Variants in ZNF610 observed in about 807,000 individuals in gnomAD.
The protein encoded by ZNF610 is zink finger protein.
Under a neutral mutation model 14.1 loss-of-function variants are expected in ZNF610, and 14 were observed. The ratio of observed to expected loss-of-function variants is 0.99; its 90% CI spans 0.65 to 1.55. ZNF610 has a LOEUF of 1.55. ZNF610 is among the 40% of genes most tolerant of loss of function. ZNF610 has a pLI of 0.00. For missense variants in ZNF610, 530 were observed against 558.0 expected, an observed-to-expected ratio of 0.95 and a Z score of 0.51; for synonymous variants, 185 against 187.6, an observed-to-expected ratio of 0.99 and a Z score of 0.11.
intron 1 of ZNF610, among the ~76,000 whole-genome samples, chr19:52,340,961 G>A (rs1012129447): frequency 3.9e-5 from 6 of 151,998 alleles, no homozygotes; most frequent in African/African-American, 1.4e-4. Flanking sequence ...GATTACAGGC[G>A]GGAGCCACTG....
chr19:52,333,240 A>G (rs1248117934), upstream of ZNF610, among the ~76,000 whole-genome samples: 3 of 152,234 alleles, frequency 2.0e-5, no homozygotes, highest in Non-Finnish European at 4.4e-5. Flanking sequence ...AAAGATAAGA[A>G]AAAACGCATT....
At chr19:52,341,559 C>T (rs1248865766) in intron 1 of ZNF610, among the ~76,000 whole-genome samples, 4 of 152,074 alleles carry the variant, frequency 2.6e-5, no homozygotes, top group Admixed American at 1.3e-4. Context: ...CTGCCCGCCT[C>T]GGCCTCCCAA....
At chr19:52,346,195 T>G (rs1174498458) in intron 1 of ZNF610, among the ~76,000 whole-genome samples, 1 of 150,310 alleles carries the variant, frequency 6.7e-6, no homozygotes, top group East Asian at 1.9e-4. Context: ...TTGTTTTTGG[T>G]TTTTTTTGAG....
intron 1 of ZNF610, among the ~76,000 whole-genome samples, chr19:52,341,667 C>T (rs1984698689): frequency 6.6e-6 from 1 of 150,502 alleles, no homozygotes; most frequent in South Asian, 2.1e-4. Context: ...CACTCTATTG[C>T]ACAGGCTGGA....
Position 52,353,797 on chromosome 19 carries a change from T to C in ZNF610, c.179T>C (p.Leu60Pro). Reference protein sequence around the residue: ...RDVMLENYRNLVFLGICLPDL... With the variant: ...RDVMLENYRNPVFLGICLPDL... ...GTGATGTTGGAGAACTACAGGAACC[T>C]GGTCTTTCTGGGTGAGGATGACTTC... The change falls in exon 4 of 6, where the codon CTG becomes CCG. Residue 60 changes from leucine (L) to proline (P), a missense_variant. Coordinates refer to ENST00000403906, the MANE Select transcript of ZNF610 (RefSeq NM_001161425.2). 6.2e-7 allele frequency: 1 copy of C among 1,611,942 alleles called. No individual in the cohort carries two copies. The highest frequency in any genetic ancestry group is 8.5e-7 in the Non-Finnish European group (1 of 1,179,348).
chr19:52,361,912 T>C (rs1229376484), intron 5 of ZNF610, among the ~76,000 whole-genome samples: 1 of 152,186 alleles, frequency 6.6e-6, no homozygotes, highest in Non-Finnish European at 1.5e-5. Flanking sequence ...TTAGATTGTT[T>C]ACATGTAACT....
intron 5 of ZNF610, among the ~76,000 whole-genome samples, chr19:52,358,474 G>T (rs2560884): frequency 2.6e-5 from 4 of 152,280 alleles, no homozygotes; most frequent in Admixed American, 1.3e-4. Flanking sequence ...AAGCCACTGC[G>T]CCTGGCCTCC....
intron 1 of ZNF610, among the ~76,000 whole-genome samples, chr19:52,342,399 G>A (rs1600230118): frequency 6.6e-6 from 1 of 151,954 alleles, no homozygotes; most frequent in African/African-American, 2.4e-5. Flanking sequence ...AGGCTTAATA[G>A]TTTTTAAATT....
At chr19:52,330,329 C>G in the ZNF610 span, 1 of 152,116 alleles carries the variant, frequency 6.6e-6, no homozygotes. Flanking sequence ...AAAATACTCA[C>G]CAGACTCTTT....
chr19:52,356,166 A>C (rs2657934), intron 5 of ZNF610, among the ~76,000 whole-genome samples: 42,419 of 151,820 alleles, frequency 0.28, 7,717 homozygotes, highest in African/African-American at 0.52. Context: ...GTATGTATGT[A>C]TTCTTATTCC....
At chr19:52,331,682 C>T (rs111498252), upstream of ZNF610, among the ~76,000 whole-genome samples, 105 of 152,294 alleles carry the variant, frequency 6.9e-4, 1 homozygote, top group African/African-American at 2.2e-3. Context: ...AATCTAGCAC[C>T]TATTATTCAA....
intron 1 of ZNF610, among the ~76,000 whole-genome samples, chr19:52,345,712 A>ATT (rs56991468): frequency 1.3e-5 from 2 of 150,460 alleles, no homozygotes; most frequent in African/African-American, 4.9e-5. Context: ...TTTTATTTTT[A>ATT]TTTTTTTTTG....
upstream of ZNF610, among the ~76,000 whole-genome samples, chr19:52,332,166 A>G (rs113463120): frequency 6.6e-6 from 1 of 152,194 alleles, no homozygotes; most frequent in Non-Finnish European, 1.5e-5. The surrounding 1 kb of genome is among the most constrained non-coding windows in gnomAD (Gnocchi z 4.1). Context: ...AGTTTTCTGA[A>G]TCAGGGTAAC....
Position 52,354,396 on chromosome 19 carries a change from G to T in ZNF610, c.319+17G>T, listed in dbSNP as rs375235605. On this transcript the variant is annotated intron_variant, in intron 5 of 5. Transcript: ENST00000403906. ...TGAACACAGGTAAGAGCTCTGATGG[G>T]CAGTGTGGAGGCCATAGTTTTTATT... The T allele has an allele frequency of 6.2e-7, 1 of 1,612,684 alleles. No homozygotes were observed. Among genetic ancestry groups the T allele is most frequent in the African/African-American group, 1.3e-5 (1 of 74,722 alleles).
chr19:52,356,048 T>G (rs1037410908), intron 5 of ZNF610, among the ~76,000 whole-genome samples: 9 of 152,130 alleles, frequency 5.9e-5, no homozygotes, highest in Non-Finnish European at 1.0e-4. Flanking sequence ...ATCAGCCCCA[T>G]CCAAGGAACC....
At chr19:52,352,382 G>A (rs1985298201) in intron 3 of ZNF610, among the ~76,000 whole-genome samples, 1 of 152,082 alleles carries the variant, frequency 6.6e-6, no homozygotes, top group African/African-American at 2.4e-5. Flanking sequence ...GGGATTACAG[G>A]CATGTGCCAC....
chr19:52,354,129 T>G, intron 4 of ZNF610, 122 bp from the exon 5 acceptor site: 1 of 1,369,094 alleles, frequency 7.3e-7, no homozygotes, highest in East Asian at 2.3e-5. Flanking sequence ...GGAGCCAGTC[T>G]GTGGGTGAAC....
At chr19:52,357,217 C>T (rs548339677) in intron 5 of ZNF610, among the ~76,000 whole-genome samples, 1 of 152,106 alleles carries the variant, frequency 6.6e-6, no homozygotes, top group Non-Finnish European at 1.5e-5. Flanking sequence ...TATTCCACAG[C>T]GTATTTTAAA....
intron 2 of ZNF610, 52 bp from the exon 3 acceptor site, chr19:52,349,102 G>A (rs1985108486): frequency 7.4e-7 from 1 of 1,347,508 alleles, no homozygotes; most frequent in Non-Finnish European, 1.1e-6. Flanking sequence ...TGTGGCATAG[G>A]GAGGGGAATG....
Sources: gnomAD v4.1 joint callset for allele counts (sites outside exome capture counted in the v4.1 genomes callset) on GRCh38, gnomAD v4.1.1 for gene constraint, Gnocchi (gnomAD v3.1) non-coding constraint, MANE v1.5 for transcripts, NCBI Gene and HGNC (gene_info 2026-07-23, HGNC 2026-07-21) for gene names.